The following MAD1L1 variants were observed in gnomAD, a reference collection of about 807,000 sequenced individuals.
MAD1L1 encodes the protein mitotic arrest deficient 1 like 1, also known as mitotic spindle assembly checkpoint protein MAD1.
In MAD1L1, 95 loss-of-function variants were observed where a neutral mutation model predicts 96.9. That is an observed-to-expected ratio of 0.98 (90% CI 0.83 to 1.16). The LOEUF (loss-of-function observed/expected upper bound fraction) is 1.16. Among genes scored for constraint, MAD1L1 ranks in the 50% most tolerant of loss-of-function variants. The pLI is 0.00. For synonymous variants in MAD1L1, 473 were observed against 396.6 expected, an observed-to-expected ratio of 1.19 and a Z score of -2.29; for missense variants, 1,007 against 954.4, an observed-to-expected ratio of 1.06 and a Z score of -0.73.
At chr7:2,225,193 A>G (rs1793818812) in intron 4 of MAD1L1, among the ~76,000 whole-genome samples, 1 of 149,078 alleles carries the variant, frequency 6.7e-6, no homozygotes. Flanking sequence ...GCTTCCAGCC[A>G]GCTGGGTTCT....
At chr7:1,871,323 C>G (rs1455936198) in intron 18 of MAD1L1, among the ~76,000 whole-genome samples, 4 of 135,506 alleles carry the variant, frequency 3.0e-5, no homozygotes. Context: ...ACGCCTGCCA[C>G]GCTGAACCCA....
At chr7:1,877,965 A>AT (rs1168213244) in intron 18 of MAD1L1, among the ~76,000 whole-genome samples, 1 of 152,224 alleles carries the variant, frequency 6.6e-6, no homozygotes, top group African/African-American at 2.4e-5. Flanking sequence ...AAAAGAGATG[A>AT]TATGTATTGC....
At chr7:2,205,632 C>T (rs924691177) in intron 10 of MAD1L1, among the ~76,000 whole-genome samples, 2 of 152,158 alleles carry the variant, frequency 1.3e-5, no homozygotes, top group East Asian at 1.9e-4. Context: ...AGAGTTATCT[C>T]GCGTCCACCT....
chr7:2,224,166 G>A (rs901485716), intron 4 of MAD1L1, among the ~76,000 whole-genome samples: 91 of 152,216 alleles, frequency 6.0e-4, no homozygotes, highest in African/African-American at 2.0e-3. Context: ...AGGGACTCTC[G>A]GCCTAGAGGA....
chr7:2,210,821 G>A (rs956156793), intron 10 of MAD1L1, among the ~76,000 whole-genome samples: 27 of 152,246 alleles, frequency 1.8e-4, no homozygotes, highest in African/African-American at 6.0e-4. Flanking sequence ...AGCGAGGACG[G>A]CTCCATCCAC....
At chr7:2,180,819 T>C (rs1419382882) in intron 10 of MAD1L1, among the ~76,000 whole-genome samples, 1 of 152,258 alleles carries the variant, frequency 6.6e-6, no homozygotes, top group Non-Finnish European at 1.5e-5. Flanking sequence ...TTTTTTAATG[T>C]ATAAAATCAT....
intron 16 of MAD1L1, among the ~76,000 whole-genome samples, chr7:1,950,951 G>A (rs1310750683): frequency 6.6e-6 from 1 of 152,276 alleles, no homozygotes. Flanking sequence ...GGCACCCACT[G>A]GCCACCCACC....
rs562386641 is a variant in MAD1L1, at chr7:1,907,741, G to A, written c.1808-9351C>T. On this transcript the variant is annotated intron_variant, in intron 17 of 18. Transcript: ENST00000265854. Reference sequence around the variant, plus strand: ...AGGCGAAAACCCTCTCGGCAATAACGTGTTCCTCTTAATAAAACACATCCC... The same window carrying A: ...AGGCGAAAACCCTCTCGGCAATAACATGTTCCTCTTAATAAAACACATCCC... 2.6e-5 allele frequency among the ~76,000 whole-genome samples: 4 copies of A among 152,360 alleles called. No individual in the cohort carries two copies. The South Asian group carries it at 6.2e-4, about 24-fold the overall frequency.
Position 2,225,525 on chromosome 7 carries a change from C to T in MAD1L1, c.176G>A (p.Arg59His), listed in dbSNP as rs746977336. Residue 59 changes from arginine (R) to histidine (H), a missense_variant, in exon 4 of 19, where the codon CGT (arginine) becomes CAT (histidine). Physicochemically the swap from Arg to His is conservative, Grantham distance 29. Coordinates refer to ENST00000265854, the MANE Select transcript of MAD1L1 (RefSeq NM_001013836.2). Reference protein sequence around the residue: ...MQLEERAEQIRSKSHLIQVER... With the variant: ...MQLEERAEQIHSKSHLIQVER... ...CACCTGGATGAGGTGGGACTTCGAACGGATCTGCTCTGCTCTTTCCTCCAG... is the reference window on the plus strand; with the variant it reads ...CACCTGGATGAGGTGGGACTTCGAATGGATCTGCTCTGCTCTTTCCTCCAG... 1.9e-5 allele frequency: 30 copies of T among 1,613,824 alleles called. No homozygotes were observed. The highest frequency in any genetic ancestry group is 8.3e-5 in the Admixed American group (5 of 60,008).
chr7:1,948,269 G>A (rs939318785), intron 16 of MAD1L1, among the ~76,000 whole-genome samples: 4 of 152,284 alleles, frequency 2.6e-5, no homozygotes, highest in South Asian at 2.1e-4. Context: ...CAGCCTGCGA[G>A]TGAGCCCACC....
chr7:1,978,666 A>C (rs971661600), intron 15 of MAD1L1, among the ~76,000 whole-genome samples: 3 of 151,800 alleles, frequency 2.0e-5, no homozygotes, highest in African/African-American at 7.3e-5. Flanking sequence ...GACCACACGC[A>C]GACGCACTTC....
At chr7:2,066,686 C>CG (rs1292417045) in intron 12 of MAD1L1, among the ~76,000 whole-genome samples, 1 of 152,146 alleles carries the variant, frequency 6.6e-6, no homozygotes, top group Non-Finnish European at 1.5e-5. Flanking sequence ...CAGAAGGCTG[C>CG]GGGGCTCCAC....
chr7:2,130,507 T>C (rs1354133660), intron 11 of MAD1L1, among the ~76,000 whole-genome samples: 1 of 152,144 alleles, frequency 6.6e-6, no homozygotes, highest in Non-Finnish European at 1.5e-5. Flanking sequence ...CCACATAGTC[T>C]TGGGCCTCTC....
intron 18 of MAD1L1, among the ~76,000 whole-genome samples, chr7:1,878,047 A>T (rs1785474046): frequency 6.6e-6 from 1 of 152,242 alleles, no homozygotes; most frequent in Admixed American, 6.5e-5. Flanking sequence ...ATGAATTATT[A>T]TGAATGATTT....
intron 4 of MAD1L1, among the ~76,000 whole-genome samples, chr7:2,223,278 C>A (rs750036514): frequency 2.0e-5 from 3 of 152,184 alleles, no homozygotes; most frequent in Non-Finnish European, 2.9e-5. Context: ...CCCCCTCTCA[C>A]ACAAACCACA....
chr7:2,216,528 C>CT (rs1000716350), intron 7 of MAD1L1, among the ~76,000 whole-genome samples: 2 of 152,130 alleles, frequency 1.3e-5, no homozygotes, highest in Non-Finnish European at 2.9e-5. Context: ...GTGTGACACT[C>CT]TAATGGCAAA....
rs552729716 is a variant in MAD1L1, at chr7:1,968,703, G to A, written c.1506-10984C>T. On this transcript the variant is annotated intron_variant, in intron 15 of 18. Transcript: ENST00000265854. This position sits in a 1 kb window ranked among gnomAD's most constrained non-coding sequence, Gnocchi z 5.6. ...GGGACGTGGTGAGAAAGGACTTGTCGTCTGTGATCTTCCTTCCAAAAACCA... is the reference window on the plus strand; with the variant it reads ...GGGACGTGGTGAGAAAGGACTTGTCATCTGTGATCTTCCTTCCAAAAACCA... Among the ~76,000 whole-genome samples the A allele has an allele frequency of 3.8e-4, 58 of 152,360 alleles. No individual in the cohort carries two copies. The highest frequency in any genetic ancestry group is 1.3e-3 in the African/African-American group (54 of 41,586).
chr7:1,851,609 C>T (rs1222812461), intron 18 of MAD1L1, among the ~76,000 whole-genome samples: 4 of 152,122 alleles, frequency 2.6e-5, no homozygotes, highest in Non-Finnish European at 5.9e-5. Context: ...CCAAAACGGT[C>T]CCAAGAAGAA....
Position 2,209,734 on chromosome 7 carries a change from G to T in MAD1L1, c.986+3478C>A, listed in dbSNP as rs545213312. 2.0e-5 allele frequency among the ~76,000 whole-genome samples: 3 copies of T among 152,276 alleles called. No individual in the cohort carries two copies. The South Asian group carries it at 6.2e-4, about 32-fold the overall frequency. ...CCAAATCCCAGCAAAGCCTGGGCCCGAAGGCAAGCAGACGCCAGCCCACCC... is the reference window on the plus strand; with the variant it reads ...CCAAATCCCAGCAAAGCCTGGGCCCTAAGGCAAGCAGACGCCAGCCCACCC... On this transcript the variant is annotated intron_variant, in intron 10 of 18. Coordinates refer to ENST00000265854, the MANE Select transcript of MAD1L1 (RefSeq NM_001013836.2).
Sources: allele counts gnomAD v4.1 joint callset (sites outside exome capture counted in the v4.1 genomes callset), GRCh38; gene constraint gnomAD v4.1.1; non-coding constraint Gnocchi (gnomAD v3.1); transcripts MANE v1.5; gene names NCBI Gene and HGNC (gene_info 2026-07-23, HGNC 2026-07-21).